ERN1: variants seen among roughly 807,000 people sequenced by gnomAD.
ERN1 encodes endoplasmic reticulum to nucleus signaling 1.
A neutral mutation model predicts 113.1 loss-of-function variants in ERN1; 39 were observed. That is an observed-to-expected ratio of 0.34 (90% CI 0.27 to 0.45). ERN1 has a LOEUF of 0.45. ERN1 is among the 20% of genes least tolerant of loss of function. ERN1 has a pLI of 1.00. For missense variants in ERN1, 976 were observed against 1,274.8 expected, an observed-to-expected ratio of 0.77 and a Z score of 3.57; for synonymous variants, 507 against 515.9, an observed-to-expected ratio of 0.98 and a Z score of 0.23.
intron 1 of ERN1, among the ~76,000 whole-genome samples, chr17:64,107,896 GTAGGTCAGCA>G (rs1454186061): frequency 6.6e-6 from 1 of 152,198 alleles, no homozygotes; most frequent in Non-Finnish European, 1.5e-5. Flanking sequence ...TTACCTGTGT[GTAGGTCAGCA>G]ATAATCCATC....
At chr17:64,056,994 C>A (rs1029364172) in intron 12 of ERN1, among the ~76,000 whole-genome samples, 1 of 152,132 alleles carries the variant, frequency 6.6e-6, no homozygotes, top group Non-Finnish European at 1.5e-5. Context: ...GGACCATGCC[C>A]CTCACATATT....
At chr17:64,056,118 T>G (rs766214402) in intron 12 of ERN1, among the ~76,000 whole-genome samples, 170 bp from the exon 13 acceptor site, 2 of 152,208 alleles carry the variant, frequency 1.3e-5, no homozygotes, top group Non-Finnish European at 2.9e-5. Flanking sequence ...CTTCGATGAC[T>G]GGACGTCTTT....
chr17:64,054,045 T>C lies in ERN1; in HGVS notation c.1953+205A>G, dbSNP rs1292106025. 4.0e-6 allele frequency: 2 copies of C among 494,950 alleles called. No homozygotes were observed. Among genetic ancestry groups the C allele is most frequent in the Non-Finnish European group, 7.2e-6 (2 of 276,096 alleles). The allele number at this position is 494,950 out of a possible 1,614,324, so 30.7% of individuals were successfully genotyped here. ...GCCTTGATCTCCCAGGCTCAAGCAATCTTCCCACCTCAGCCTCCCAAGTAG... is the reference window on the plus strand; with the variant it reads ...GCCTTGATCTCCCAGGCTCAAGCAACCTTCCCACCTCAGCCTCCCAAGTAG... On this transcript the variant is annotated intron_variant, in intron 15 of 21. Coordinates refer to ENST00000433197, the MANE Select transcript of ERN1 (RefSeq NM_001433.5). The surrounding 1 kb of genome is among the most constrained non-coding windows in gnomAD (Gnocchi z 4.9).
intron 2 of ERN1, 65 bp downstream of exon 2, chr17:64,098,056 G>A (rs1805720542): frequency 6.3e-6 from 10 of 1,580,158 alleles, no homozygotes; most frequent in Non-Finnish European, 8.7e-6. Context: ...TCTTTCTCCA[G>A]AATATGTTTC....
rs927305387 is a variant in ERN1, at chr17:64,039,533, A to G, written c.*4455T>C. 1 of 152,232 alleles carries G rather than the reference A, an allele frequency of 6.6e-6. No homozygotes were observed. The highest frequency in any genetic ancestry group is 1.5e-5 in the Non-Finnish European group (1 of 68,050). 9.4% of individuals were successfully genotyped at this position (152,232 alleles called of 1,614,324 possible). On this transcript the variant is annotated 3_prime_UTR_variant, in exon 22 of 22. Transcript: ENST00000433197. ...CCATCCCATGGAAGGATACAGTATC[A>G]CTTTTCCAGTTTTAAAATGGTCAAG... is the stretch of plus-strand genomic sequence containing the variant.
chr17:64,075,982 G>A (rs1348603278), intron 4 of ERN1, among the ~76,000 whole-genome samples: 1 of 152,204 alleles, frequency 6.6e-6, no homozygotes, highest in Non-Finnish European at 1.5e-5. Context: ...GTGGAAAAGA[G>A]TTTTGATGTT....
intron 2 of ERN1, among the ~76,000 whole-genome samples, chr17:64,091,826 T>C (rs952425201): frequency 1.3e-5 from 2 of 152,084 alleles, no homozygotes; most frequent in Non-Finnish European, 2.9e-5. Flanking sequence ...GAGCTTAGAC[T>C]TGACCCTGTG....
chr17:64,075,250 TTAAAAAAAAAAAAAAA>T lies in ERN1; in HGVS notation c.283-19_283-4del. On this transcript the variant is annotated splice_polypyrimidine_tract_variant and splice_region_variant and intron_variant, in intron 4 of 21. Coordinates refer to ENST00000433197, the MANE Select transcript of ERN1 (RefSeq NM_001433.5). ...TCTGGGATGGTAAAAGGAAGTTTCT[TTAAAAAAAAAAAAAAA>T]GAAAAAAAAAAGTTAACCAAGTCTT... 1.7e-6 allele frequency: 2 copies of T among 1,167,186 alleles called. No individual in the cohort carries two copies. The highest frequency in any genetic ancestry group is 2.2e-6 in the Non-Finnish European group (2 of 897,844). 72.3% of individuals were successfully genotyped at this position (1,167,186 alleles called of 1,614,324 possible).
intron 1 of ERN1, among the ~76,000 whole-genome samples, chr17:64,125,540 G>A (rs1176389302): frequency 3.3e-5 from 5 of 152,164 alleles, no homozygotes; most frequent in Admixed American, 2.0e-4. Flanking sequence ...CAAGGCTGCA[G>A]TGCAGTGGTG....
intron 2 of ERN1, among the ~76,000 whole-genome samples, chr17:64,092,676 G>A (rs997259146): frequency 6.6e-5 from 10 of 152,294 alleles, no homozygotes; most frequent in African/African-American, 1.9e-4. Flanking sequence ...AAAGAATAGA[G>A]CAGGGTTGCT....
chr17:64,104,504 T>C (rs1567882012), intron 1 of ERN1, among the ~76,000 whole-genome samples: 3 of 152,092 alleles, frequency 2.0e-5, no homozygotes, highest in South Asian at 4.1e-4. Context: ...CAAGAACTGA[T>C]TCCCAGGTTG....
At chr17:64,090,279 G>A (rs907453046) in intron 2 of ERN1, among the ~76,000 whole-genome samples, 6 of 152,268 alleles carry the variant, frequency 3.9e-5, no homozygotes, top group African/African-American at 1.4e-4. Flanking sequence ...CATAAGTCAC[G>A]AAGTGTCACA....
At chr17:64,045,564 A>C in intron 19 of ERN1, 82 bp from the exon 20 acceptor site, 10 of 1,575,364 alleles carry the variant, frequency 6.3e-6, no homozygotes, top group Non-Finnish European at 8.7e-6. Flanking sequence ...GTAACAGATC[A>C]TCACTGACAC....
In ERN1 at chr17:64,080,631, T is replaced by C. The variant is rs145812657; in HGVS notation, c.209+144A>G. 227 of 687,126 alleles carry C rather than the reference T, an allele frequency of 3.3e-4. 3 individuals carry two copies. The highest frequency in any genetic ancestry group is 3.2e-3 in the African/African-American group (178 of 54,820). 42.6% of individuals were successfully genotyped at this position (687,126 alleles called of 1,614,324 possible). On this transcript the variant is annotated intron_variant, in intron 3 of 21. Transcript: ENST00000433197. ...TCCTCCTCAACACAAGCTTTCATCA[T>C]AGCACCTGTAAGACTTTATATGTCA...
At chr17:64,116,549 AT>A (rs1439652472) in intron 1 of ERN1, among the ~76,000 whole-genome samples, 12 of 152,198 alleles carry the variant, frequency 7.9e-5, no homozygotes, top group African/African-American at 2.9e-4. Context: ...GATTCCCCAA[AT>A]TTGTTCTTAG....
chr17:64,119,346 A>T (rs1189479219), intron 1 of ERN1, among the ~76,000 whole-genome samples: 1 of 150,370 alleles, frequency 6.7e-6, no homozygotes, highest in Admixed American at 6.6e-5. Context: ...ACAGTAGAGA[A>T]AATGTAATAT....
intron 10 of ERN1, among the ~76,000 whole-genome samples, chr17:64,061,288 G>C (rs1913047178): frequency 2.0e-5 from 3 of 152,232 alleles, no homozygotes; most frequent in African/African-American, 7.2e-5. Context: ...AATCCATTCA[G>C]CTCTAAAAAT....
intron 1 of ERN1, among the ~76,000 whole-genome samples, chr17:64,109,156 C>G (rs1459599135): frequency 6.6e-6 from 1 of 151,762 alleles, no homozygotes; most frequent in Admixed American, 6.6e-5. Context: ...GAAGTCCTCA[C>G]GTAGAAACCC....
chr17:64,052,513 C>CA (rs1348022119), intron 17 of ERN1, among the ~76,000 whole-genome samples: 3 of 116,990 alleles, frequency 2.6e-5, no homozygotes, highest in Admixed American at 1.9e-4. Context: ...ACAAAAAAAA[C>CA]AAAAAAACAG....
Sources: gnomAD v4.1 joint callset for allele counts (sites outside exome capture counted in the v4.1 genomes callset) on GRCh38, gnomAD v4.1.1 for gene constraint, Gnocchi (gnomAD v3.1) non-coding constraint, MANE v1.5 for transcripts, NCBI Gene and HGNC (gene_info 2026-07-23, HGNC 2026-07-21) for gene names.